ELMO1: variants seen among roughly 807,000 people sequenced by gnomAD.
The protein encoded by ELMO1 is engulfment and cell motility protein 1.
ELMO1 carries 26 observed loss-of-function variants against 98.9 expected under a neutral mutation model. The observed-to-expected ratio is 0.26, with a 90% CI of 0.19 to 0.36. The LOEUF (loss-of-function observed/expected upper bound fraction) is 0.36, where lower values mean the gene tolerates loss of function less well. Ranked by LOEUF, ELMO1 falls within the 10% of genes least tolerant of loss-of-function variation. ELMO1 has a pLI of 1.00. For missense variants in ELMO1, 627 were observed against 935.2 expected (o/e 0.67, Z 4.30); for synonymous variants, 346 against 346.0 (o/e 1.00, Z 0.00).
At chr7:37,271,289 T>C (rs990562650) in intron 5 of ELMO1, 9 of 153,122 alleles carry the variant, frequency 5.9e-5, no homozygotes, top group African/African-American at 2.2e-4. Context: ...TAACTGACTT[T>C]GGTTTTGTTT....
intron 16 of ELMO1, among the ~76,000 whole-genome samples, chr7:36,963,637 G>A (rs975266567): frequency 6.6e-6 from 1 of 152,082 alleles, no homozygotes; most frequent in South Asian, 2.1e-4. Context: ...GATTGAATTA[G>A]TTCTATATAA....
intron 15 of ELMO1, among the ~76,000 whole-genome samples, chr7:37,079,828 C>G (rs12701543): frequency 0.21 from 31,271 of 152,060 alleles, 3,836 homozygotes; most frequent in African/African-American, 0.34. Context: ...GTGCTCTAGG[C>G]ATCAATTCTA....
chr7:37,098,439 G>A (rs1487768136), intron 14 of ELMO1, among the ~76,000 whole-genome samples: 1 of 152,158 alleles, frequency 6.6e-6, no homozygotes, highest in Non-Finnish European at 1.5e-5. Flanking sequence ...GCTTGGGGAG[G>A]GGAGTTTAGA....
Position 37,151,009 on chromosome 7 carries a change from G to A in ELMO1, c.1087-17775C>T, listed in dbSNP as rs574263956. 2.0e-5 allele frequency among the ~76,000 whole-genome samples: 3 copies of A among 152,326 alleles called. No individual in the cohort carries two copies. In the East Asian group the frequency reaches 5.8e-4, roughly 29 times the overall value. ...ATCCAGCTGTGCCAGAGGGACTCAC[G>A]CTGGGCAGAAAGGCTCATGCCCACC... On this transcript the variant is annotated intron_variant, in intron 13 of 21. Transcript: ENST00000310758.
intron 1 of ELMO1, among the ~76,000 whole-genome samples, chr7:37,395,291 C>G (rs1037458374): frequency 2.2e-5 from 3 of 137,296 alleles, no homozygotes; most frequent in Admixed American, 8.3e-5. Flanking sequence ...TGCTTGAACC[C>G]GGGAGGCGGA....
intron 16 of ELMO1, among the ~76,000 whole-genome samples, chr7:36,916,534 A>T (rs1466250539): frequency 6.6e-6 from 1 of 152,256 alleles, no homozygotes; most frequent in East Asian, 1.9e-4. Context: ...AGTTTATATT[A>T]AGTAGTCTAG....
At chr7:36,986,333 T>C in intron 16 of ELMO1, 12 of 893,146 alleles carry the variant, frequency 1.3e-5, no homozygotes, top group Non-Finnish European at 1.5e-5. Flanking sequence ...AAGAGAAAAA[T>C]AATAACTTCG....
At chr7:37,113,374 G>T (rs959298903) in intron 14 of ELMO1, among the ~76,000 whole-genome samples, 6 of 152,176 alleles carry the variant, frequency 3.9e-5, no homozygotes, top group African/African-American at 1.4e-4. Flanking sequence ...AGGGTGAACA[G>T]GAAATAAAGA....
At position 36,876,378 on chromosome 7, in the gene ELMO1, GATTTT is replaced by G. The variant is rs1001313257; in HGVS notation, c.1822+1627_1822+1631del. Among the ~76,000 whole-genome samples the G allele has an allele frequency of 5.3e-5, 8 of 149,888 alleles. No homozygotes were observed. In the South Asian group the frequency reaches 1.8e-3, roughly 33 times the overall value. ...GAAAGGGTTGTGATATTAAACTTTA[GATTTT>G]ATTTTTTAATATCCTTTTTTTTTTT... On this transcript the variant is annotated intron_variant, in intron 19 of 21. Coordinates refer to ENST00000310758, the MANE Select transcript of ELMO1 (RefSeq NM_014800.11).
chr7:37,324,338 G>A (rs1165994648), intron 2 of ELMO1, among the ~76,000 whole-genome samples: 4 of 152,120 alleles, frequency 2.6e-5, no homozygotes, highest in Non-Finnish European at 5.9e-5. Context: ...ATGGAGCATG[G>A]GCTGCCGTTC....
intron 20 of ELMO1, among the ~76,000 whole-genome samples, chr7:36,868,521 A>AT (rs1230188609): frequency 6.6e-6 from 1 of 151,546 alleles, no homozygotes; most frequent in East Asian, 1.9e-4. Flanking sequence ...AATTTTTTGT[A>AT]TTTTTAGTAC....
chr7:36,968,483 G>C (rs934912313), intron 16 of ELMO1, among the ~76,000 whole-genome samples: 7 of 152,070 alleles, frequency 4.6e-5, no homozygotes, highest in African/African-American at 1.7e-4. Flanking sequence ...TAGTTATTTT[G>C]TTTGTGCAGG....
chr7:37,035,220 AT>A (rs1333458157), intron 15 of ELMO1, among the ~76,000 whole-genome samples: 1 of 152,116 alleles, frequency 6.6e-6, no homozygotes. Flanking sequence ...GGCAGAAGCT[AT>A]TTCTCCTATT....
At chr7:37,375,976 C>T in intron 1 of ELMO1, 1 of 579,360 alleles carries the variant, frequency 1.7e-6, no homozygotes, top group Non-Finnish European at 3.1e-6. Context: ...AACTGAATTC[C>T]AGTTTAGAGG....
chr7:37,187,483 G>C (rs1791282103), intron 13 of ELMO1, among the ~76,000 whole-genome samples: 1 of 152,086 alleles, frequency 6.6e-6, no homozygotes, highest in Admixed American at 6.5e-5. Flanking sequence ...GTTAAAATAT[G>C]AGTTATGTTC....
intron 16 of ELMO1, among the ~76,000 whole-genome samples, chr7:36,915,496 T>C (rs1784625374): frequency 6.6e-6 from 1 of 152,162 alleles, no homozygotes; most frequent in African/African-American, 2.4e-5. Context: ...TCAGCCCCCA[T>C]TCAGGCCTTA....
rs189958854 is a variant in ELMO1, at chr7:36,999,014, T to C, written c.1437+14285A>G. ...GCATGTGAGAGGAAGAGACTAATGA[T>C]GCAAAGATTAGAAATGATAACGGAC... On this transcript the variant is annotated intron_variant, in intron 16 of 21. Coordinates refer to ENST00000310758, the MANE Select transcript of ELMO1 (RefSeq NM_014800.11). Among the ~76,000 whole-genome samples, 32 of 152,030 alleles carry C rather than the reference T, an allele frequency of 2.1e-4. No individual in the cohort carries two copies. In the East Asian group the frequency reaches 5.0e-3, roughly 24 times the overall value.
At chr7:37,392,721 G>A (rs1354197923) in intron 1 of ELMO1, among the ~76,000 whole-genome samples, 2 of 152,216 alleles carry the variant, frequency 1.3e-5, no homozygotes, top group Non-Finnish European at 2.9e-5. Flanking sequence ...TTTACCAAAT[G>A]CTCTCCTGAT....
At chr7:37,425,488 A>C (rs1437302498) in intron 1 of ELMO1, among the ~76,000 whole-genome samples, 1 of 152,174 alleles carries the variant, frequency 6.6e-6, no homozygotes, top group Non-Finnish European at 1.5e-5. Flanking sequence ...GTGTCTCCTT[A>C]TATCTGTGTC....
Sources: allele counts gnomAD v4.1 joint callset (sites outside exome capture counted in the v4.1 genomes callset), GRCh38; gene constraint gnomAD v4.1.1; transcripts MANE v1.5; gene names NCBI Gene and HGNC (gene_info 2026-07-23, HGNC 2026-07-21).